The following LCOR variants were observed in gnomAD, a reference collection of about 807,000 sequenced individuals.
LCOR encodes the protein ligand-dependent corepressor.
A neutral mutation model predicts 64.4 loss-of-function variants in LCOR; 14 were observed. The observed-to-expected ratio is 0.22, with a 90% confidence interval of 0.14 to 0.34. The LOEUF is 0.34. LCOR is among the 10% of genes least tolerant of loss of function. LCOR has a pLI of 1.00. For missense variants in LCOR, 1,686 were observed against 1,765.3 expected, an observed-to-expected ratio of 0.96 and a Z score of 0.80; for synonymous variants, 643 against 642.5, an observed-to-expected ratio of 1.00 and a Z score of -0.01.
chr10:96,847,370 G>A (rs1184123621), intron 2 of LCOR, among the ~76,000 whole-genome samples: 2 of 149,944 alleles, frequency 1.3e-5, no homozygotes, highest in East Asian at 1.9e-4. Flanking sequence ...AAAAGCACAC[G>A]GTAACAGTCC....
At chr10:96,906,494 CAAGATGGCAAAGATATTTTTA>C (rs1846730489) in intron 2 of LCOR, among the ~76,000 whole-genome samples, 1 of 152,048 alleles carries the variant, frequency 6.6e-6, no homozygotes, top group South Asian at 2.1e-4. Flanking sequence ...TAAGAAATTG[CAAGATGGCAAAGATATTTTTA>C]AATTATTCAG....
intron 2 of LCOR, among the ~76,000 whole-genome samples, chr10:96,846,142 G>A (rs373565271): frequency 6.6e-6 from 1 of 152,158 alleles, no homozygotes; most frequent in Non-Finnish European, 1.5e-5. Flanking sequence ...GGGAGGTGGA[G>A]GTTGCAGTGA....
intron 2 of LCOR, among the ~76,000 whole-genome samples, chr10:96,847,410 A>T (rs7893144): frequency 0.11 from 15,025 of 133,722 alleles, 925 homozygotes; most frequent in African/African-American, 0.18. Flanking sequence ...AGAGTATTTT[A>T]TTTATTTATT....
intron 4 of LCOR, among the ~76,000 whole-genome samples, chr10:96,921,901 T>C (rs1241513269): frequency 6.6e-6 from 1 of 152,244 alleles, no homozygotes; most frequent in Non-Finnish European, 1.5e-5. Context: ...CTGGACTATC[T>C]ATTTCTGTTT....
rs1848120768 is a variant in LCOR, at chr10:96,983,989, A to T, written c.3529A>T (p.Asn1177Tyr). 1 of 1,614,054 alleles carries T rather than the reference A, an allele frequency of 6.2e-7. No individual in the cohort carries two copies. Among genetic ancestry groups the T allele is most frequent in the Non-Finnish European group, 8.5e-7 (1 of 1,180,040 alleles). Residue 1177 changes from asparagine to tyrosine, a missense_variant, in exon 8 of 8, where the codon AAC (asparagine) becomes TAC (tyrosine). Coordinates refer to ENST00000421806, the MANE Select transcript of LCOR (RefSeq NM_001346516.2). The surrounding 1 kb of genome is among the most constrained non-coding windows in gnomAD (Gnocchi z 4.5). ...TCCTGTTCAGATGCTCTTTATGACAAACTTTAAATTATCTAATGTTTGTAA... is the reference window on the plus strand; with the variant it reads ...TCCTGTTCAGATGCTCTTTATGACATACTTTAAATTATCTAATGTTTGTAA... ...CSPVQMLFMTNFKLSNVCKWF... is the reference protein window; with the variant it reads ...CSPVQMLFMTYFKLSNVCKWF...
In LCOR at chr10:96,981,617, A is replaced by T. The variant is rs751912372; in HGVS notation, c.1157A>T (p.Gln386Leu). 55 of 1,614,128 alleles carry T rather than the reference A, an allele frequency of 3.4e-5. No homozygotes were observed. Among genetic ancestry groups the T allele is most frequent in the Non-Finnish European group, 4.4e-5 (52 of 1,180,054 alleles). Residue 386 changes from glutamine (Q) to leucine (L), a missense_variant, in exon 8 of 8, where the codon CAA becomes CTA. Physicochemically the swap from Gln to Leu is moderately radical, Grantham distance 113. Around this residue, in one of 3 missense-constraint regions of LCOR, gnomAD observed 313 missense variants for 247.2 expected, o/e 1.27. Transcript: ENST00000421806. ...PLRQDLEANE[Q>L]DARPKQENHL... ...CGCCAGGATTTAGAGGCAAATGAAC[A>T]AGATGCAAGGCCAAAGCAAGAGAAC... is the stretch of plus-strand genomic sequence containing the variant.
chr10:96,965,087 C>A (rs1019539253), intron 7 of LCOR, among the ~76,000 whole-genome samples: 2 of 151,838 alleles, frequency 1.3e-5, no homozygotes, highest in African/African-American at 4.8e-5. Flanking sequence ...CGGCTCACTG[C>A]AAGCTCTGCT....
At chr10:96,892,052 A>G (rs890447873) in intron 2 of LCOR, among the ~76,000 whole-genome samples, 1 of 152,162 alleles carries the variant, frequency 6.6e-6, no homozygotes, top group South Asian at 2.1e-4. Context: ...GCACTTGAAA[A>G]GAATGTGTAT....
intron 2 of LCOR, among the ~76,000 whole-genome samples, chr10:96,889,649 C>T (rs543060903): frequency 1.3e-5 from 2 of 152,180 alleles, no homozygotes; most frequent in South Asian, 2.1e-4. Context: ...CCTTAGAGAC[C>T]TCATCTCCAA....
intron 7 of LCOR, among the ~76,000 whole-genome samples, chr10:96,970,783 C>T (rs1847992880): frequency 1.3e-5 from 2 of 151,848 alleles, no homozygotes; most frequent in South Asian, 4.2e-4. Flanking sequence ...CCTCAGCTTC[C>T]CAAATAGCTG....
At chr10:96,852,737 G>A (rs1260364758) in intron 2 of LCOR, among the ~76,000 whole-genome samples, 3 of 152,150 alleles carry the variant, frequency 2.0e-5, no homozygotes, top group African/African-American at 4.8e-5. Context: ...TGATAGTTAA[G>A]GGAGTGAAAT....
chr10:96,972,381 A>G (rs1326927472), intron 7 of LCOR, among the ~76,000 whole-genome samples: 1 of 152,030 alleles, frequency 6.6e-6, no homozygotes, highest in Non-Finnish European at 1.5e-5. Context: ...TTGGTAGGGG[A>G]AAAAAACCAC....
chr10:96,943,675 CAG>C (rs1252437554), intron 4 of LCOR, among the ~76,000 whole-genome samples: 1 of 150,984 alleles, frequency 6.6e-6, no homozygotes, highest in African/African-American at 2.4e-5. Flanking sequence ...TGGTGAAAAA[CAG>C]ATCTCATACT....
At chr10:96,842,899 G>A (rs909786111) in intron 2 of LCOR, among the ~76,000 whole-genome samples, 3 of 152,018 alleles carry the variant, frequency 2.0e-5, no homozygotes, top group African/African-American at 7.2e-5. Context: ...CCAAATTGCT[G>A]GGATTACAGG....
chr10:96,910,590 G>T (rs868104295), intron 4 of LCOR, among the ~76,000 whole-genome samples: 17 of 152,068 alleles, frequency 1.1e-4, no homozygotes, highest in South Asian at 6.2e-4. Flanking sequence ...TATTTTTTTT[G>T]TTTTGTTTTT....
intron 2 of LCOR, among the ~76,000 whole-genome samples, chr10:96,904,487 TGA>T (rs1846693920): frequency 6.6e-6 from 1 of 152,286 alleles, no homozygotes; most frequent in East Asian, 1.9e-4. Context: ...GTGGCATCAT[TGA>T]AGCAGTGTTT....
At chr10:96,956,534 A>G in intron 7 of LCOR, 1 of 984,854 alleles carries the variant, frequency 1.0e-6, no homozygotes, top group African/African-American at 1.7e-5. Context: ...TCTTCTCACT[A>G]TTAAATTTAT....
Position 96,972,265 on chromosome 10 carries a change from T to C in LCOR, c.333-8528T>C, listed in dbSNP as rs368926833. On this transcript the variant is annotated intron_variant, in intron 7 of 7. Coordinates refer to ENST00000421806, the MANE Select transcript of LCOR (RefSeq NM_001346516.2). ...GTCATCCAGTCCAAAATCTCACATC[T>C]CTCACTGCCTCTGAACCCTCCCTTT... is the stretch of plus-strand genomic sequence containing the variant. Among the ~76,000 whole-genome samples, 69 of 152,244 alleles carry C rather than the reference T, an allele frequency of 4.5e-4. 1 individual carries two copies. Among genetic ancestry groups the C allele is most frequent in the African/African-American group, 1.5e-3 (61 of 41,542 alleles).
At position 96,993,311 on chromosome 10, in the gene LCOR, G is replaced by T. The variant is rs1260053460; in HGVS notation, c.*8177G>T. The T allele has an allele frequency of 3.3e-5, 5 of 152,338 alleles. No homozygotes were observed. The South Asian group carries it at 1.0e-3, about 32-fold the overall frequency. 9.4% of individuals were successfully genotyped at this position (152,338 alleles called of 1,614,324 possible). ...TTGTCTTTTCTAAACAAATGAGGCA[G>T]ACACTTGAACAGTAATGCTGGAGAA... On this transcript the variant is annotated 3_prime_UTR_variant, in exon 8 of 8. Transcript: ENST00000421806.
Sources: gnomAD v4.1 joint callset for allele counts (sites outside exome capture counted in the v4.1 genomes callset) on GRCh38, gnomAD v4.1.1 for gene constraint, gnomAD v4.1.1 regional missense constraint, Gnocchi (gnomAD v3.1) non-coding constraint, MANE v1.5 for transcripts, NCBI Gene and HGNC (gene_info 2026-07-23, HGNC 2026-07-21) for gene names.